Variants in CCDC7 observed in about 807,000 individuals in gnomAD.
The protein encoded by CCDC7 is coiled-coil domain-containing protein 7.
A neutral mutation model predicts 196.9 loss-of-function variants in CCDC7; 183 were observed. That is an observed-to-expected ratio of 0.93 (90% CI 0.82 to 1.05). CCDC7 has a LOEUF of 1.05. Among genes scored for constraint, CCDC7 ranks in the 50% least tolerant of loss-of-function variants. The probability of loss-of-function intolerance (pLI) is 0.00; values close to 1 mark genes in which losing one functional copy is unlikely to be tolerated. For missense variants in CCDC7, 1,540 were observed against 1,482.2 expected, an observed-to-expected ratio of 1.04 and a Z score of -0.64; for synonymous variants, 525 against 484.6, an observed-to-expected ratio of 1.08 and a Z score of -1.10.
intron 41 of CCDC7, among the ~76,000 whole-genome samples, chr10:32,860,414 C>A (rs1195620952): frequency 1.3e-5 from 2 of 152,114 alleles, no homozygotes; most frequent in Non-Finnish European, 2.9e-5. Flanking sequence ...GAATGTATGT[C>A]AAAATAATAA....
chr10:32,799,298 T>G (rs1252290004), intron 29 of CCDC7, among the ~76,000 whole-genome samples: 3 of 152,134 alleles, frequency 2.0e-5, no homozygotes, highest in East Asian at 3.9e-4. Context: ...GATTCACCTA[T>G]GGGGGCCTGC....
At chr10:32,690,044 T>A (rs1291385524) in intron 23 of CCDC7, among the ~76,000 whole-genome samples, 1 of 152,128 alleles carries the variant, frequency 6.6e-6, no homozygotes, top group East Asian at 1.9e-4. Flanking sequence ...CTGGGCTTAT[T>A]TTTATTTGTT....
At chr10:32,612,802 C>T (rs1232411466) in intron 18 of CCDC7, among the ~76,000 whole-genome samples, 1 of 151,806 alleles carries the variant, frequency 6.6e-6, no homozygotes, top group Non-Finnish European at 1.5e-5. Context: ...TAATGTGCTG[C>T]TGGATTCAGT....
At chr10:32,831,718 T>C (rs771873738) in intron 32 of CCDC7, among the ~76,000 whole-genome samples, 14 of 152,156 alleles carry the variant, frequency 9.2e-5, no homozygotes, top group Admixed American at 2.6e-4. Context: ...CTTGCCCCAG[T>C]GGAAAGTCTT....
intron 25 of CCDC7, among the ~76,000 whole-genome samples, chr10:32,723,103 C>A (rs2082642615): frequency 6.6e-6 from 1 of 152,082 alleles, no homozygotes; most frequent in Non-Finnish European, 1.5e-5. Context: ...CCCTGTAGGG[C>A]CCCATGGCTC....
intron 13 of CCDC7, among the ~76,000 whole-genome samples, chr10:32,545,961 G>C (rs1417898665): frequency 6.6e-6 from 1 of 151,208 alleles, no homozygotes; most frequent in African/African-American, 2.4e-5. Flanking sequence ...ACGCATGTTG[G>C]TGAGGCAGCC....
At chr10:32,452,450 A>C (rs1339750511) in intron 1 of CCDC7, among the ~76,000 whole-genome samples, 1 of 152,194 alleles carries the variant, frequency 6.6e-6, no homozygotes, top group Non-Finnish European at 1.5e-5. Context: ...TGCATTTCAG[A>C]AACTTTAGCT....
intron 28 of CCDC7, among the ~76,000 whole-genome samples, chr10:32,761,231 G>A (rs965162567): frequency 6.6e-6 from 1 of 151,966 alleles, no homozygotes; most frequent in African/African-American, 2.4e-5. Flanking sequence ...GCACCCAGCA[G>A]TTACCACATA....
chr10:32,677,762 A>G (rs1032029367), intron 21 of CCDC7, among the ~76,000 whole-genome samples: 32 of 152,032 alleles, frequency 2.1e-4, no homozygotes, highest in African/African-American at 7.3e-4. Flanking sequence ...TCAGATTTGA[A>G]AAAACTGTAT....
chr10:32,533,765 T>C (rs1388755024), intron 11 of CCDC7, among the ~76,000 whole-genome samples: 1 of 152,156 alleles, frequency 6.6e-6, no homozygotes, highest in East Asian at 1.9e-4. Context: ...AAAAGTCTGT[T>C]GCTAGGCAAA....
At chr10:32,643,494 T>C (rs563581307) in intron 20 of CCDC7, among the ~76,000 whole-genome samples, 1 of 152,212 alleles carries the variant, frequency 6.6e-6, no homozygotes, top group African/African-American at 2.4e-5. Context: ...TTCAATGTTT[T>C]AATTTAAAAT....
chr10:32,861,216 A>T (rs1285059862), intron 41 of CCDC7, among the ~76,000 whole-genome samples: 1 of 152,080 alleles, frequency 6.6e-6, no homozygotes, highest in Non-Finnish European at 1.5e-5. Context: ...ACTGGTACCA[A>T]AACAGATATA....
chr10:32,766,553 C>T (rs1223177742), intron 28 of CCDC7, among the ~76,000 whole-genome samples: 4 of 152,068 alleles, frequency 2.6e-5, no homozygotes, highest in African/African-American at 9.7e-5. Context: ...GCAAAGCCAT[C>T]TCATTCTCTG....
chr10:32,808,355 A>G (rs1374836426), intron 30 of CCDC7, among the ~76,000 whole-genome samples: 1 of 152,094 alleles, frequency 6.6e-6, no homozygotes, highest in African/African-American at 2.4e-5. Flanking sequence ...AAAGCATGAC[A>G]CCCAAAGGCC....
chr10:32,868,603 A>T lies in CCDC7; in HGVS notation c.4112-7744A>T, dbSNP rs2094299944. On this transcript the variant is annotated intron_variant, in intron 41 of 41. Transcript: ENST00000639629. ...TTTTTAATACTTTAAGTTCTAAGGT[A>T]CATGTGCACAACGTGCAGGTTAGTT... Among the ~76,000 whole-genome samples the T allele has an allele frequency of 2.0e-5, 3 of 152,066 alleles. No homozygotes were observed. In the South Asian group the frequency reaches 6.2e-4, roughly 32 times the overall value.
intron 24 of CCDC7, among the ~76,000 whole-genome samples, chr10:32,699,248 C>T (rs534105343): frequency 3.7e-5 from 5 of 136,012 alleles, no homozygotes; most frequent in African/African-American, 1.1e-4. Context: ...GTTCCCCTTC[C>T]TGTGTCCATG....
intron 18 of CCDC7, among the ~76,000 whole-genome samples, chr10:32,597,224 T>G (rs1005783544): frequency 6.6e-6 from 1 of 152,240 alleles, no homozygotes; most frequent in Non-Finnish European, 1.5e-5. Context: ...TGTTCATTTC[T>G]TTTGACTCTT....
chr10:32,627,034 G>GT (rs34388762), intron 18 of CCDC7, among the ~76,000 whole-genome samples: 29 of 145,922 alleles, frequency 2.0e-4, no homozygotes, highest in East Asian at 6.0e-4. Context: ...GGCTATTCAG[G>GT]TTTTTTTTTT....
chr10:32,467,710 A>G (rs1342596272), intron 5 of CCDC7, among the ~76,000 whole-genome samples: 2 of 152,046 alleles, frequency 1.3e-5, no homozygotes, highest in Non-Finnish European at 2.9e-5. Context: ...GAATTTTTAT[A>G]GTTTTGGGTT....
Sources: allele counts gnomAD v4.1 joint callset (sites outside exome capture counted in the v4.1 genomes callset), GRCh38; gene constraint gnomAD v4.1.1; transcripts MANE v1.5; gene names NCBI Gene and HGNC (gene_info 2026-07-23, HGNC 2026-07-21).